CCDC93: variants seen among roughly 807,000 people sequenced by gnomAD.
CCDC93 encodes CCC complex scaffolding subunit CCDC93, also known as coiled-coil domain-containing protein 93.
In CCDC93, 61 loss-of-function variants were observed where a neutral mutation model predicts 108.2. The ratio of observed to expected loss-of-function variants is 0.56; its 90% confidence interval spans 0.46 to 0.70. The LOEUF is 0.70. CCDC93 is among the 30% of genes least tolerant of loss of function. The probability of loss-of-function intolerance (pLI) is 0.00; values close to 1 mark genes in which losing one functional copy is unlikely to be tolerated. For missense variants in CCDC93, 685 were observed against 764.2 expected, an observed-to-expected ratio of 0.90 and a Z score of 1.22; for synonymous variants, 276 against 260.4, an observed-to-expected ratio of 1.06 and a Z score of -0.58.
intron 10 of CCDC93, 82 bp downstream of exon 10, chr2:117,974,768 A>C (rs1048643061): frequency 2.0e-6 from 2 of 997,486 alleles, no homozygotes; most frequent in Middle Eastern, 3.0e-4. Flanking sequence ...GCTCCGGAGA[A>C]GGTGGGCTCT....
chr2:117,989,357 C>A (rs1573517673), intron 6 of CCDC93, among the ~76,000 whole-genome samples: 1 of 152,216 alleles, frequency 6.6e-6, no homozygotes, highest in East Asian at 1.9e-4. Context: ...CTGGATGTGG[C>A]CCTTGCATGC....
intron 11 of CCDC93, among the ~76,000 whole-genome samples, chr2:117,969,994 T>C (rs771529018): frequency 1.3e-5 from 2 of 152,182 alleles, no homozygotes; most frequent in African/African-American, 4.8e-5. Context: ...ATGATTCCCA[T>C]TGGTATGTGT....
At chr2:117,955,574 T>C (rs1273745225) in intron 12 of CCDC93, among the ~76,000 whole-genome samples, 1 of 152,256 alleles carries the variant, frequency 6.6e-6, no homozygotes, top group Non-Finnish European at 1.5e-5. Flanking sequence ...TTTGCTTAAA[T>C]TTTGGTTCAA....
chr2:117,959,384 T>C lies in CCDC93; in HGVS notation c.889-903A>G, dbSNP rs567232111. Among the ~76,000 whole-genome samples the C allele has an allele frequency of 3.9e-5, 6 of 152,356 alleles. No individual in the cohort carries two copies. In the South Asian group the frequency reaches 1.2e-3, roughly 32 times the overall value. On this transcript the variant is annotated intron_variant, in intron 11 of 23. Transcript: ENST00000376300. Reference sequence around the variant, plus strand: ...CAATAAAACATCTTCTTTCTTATAGTAAGTACCCCAATTCCAAGCTAATCA... The same window carrying C: ...CAATAAAACATCTTCTTTCTTATAGCAAGTACCCCAATTCCAAGCTAATCA...
chr2:117,999,952 C>T (rs1159353493), intron 4 of CCDC93: 5 of 151,458 alleles, frequency 3.3e-5, no homozygotes, highest in Non-Finnish European at 7.4e-5. Flanking sequence ...ATATGGAGGG[C>T]CGGCTGTTTG....
At chr2:117,926,233 T>A (rs929641254) in intron 23 of CCDC93, among the ~76,000 whole-genome samples, 1 of 151,948 alleles carries the variant, frequency 6.6e-6, no homozygotes, top group Non-Finnish European at 1.5e-5. Flanking sequence ...GCAAACACAT[T>A]CAAAAGCTAG....
At chr2:117,986,656 TTTA>T (rs1379378824) in intron 6 of CCDC93, among the ~76,000 whole-genome samples, 1 of 152,194 alleles carries the variant, frequency 6.6e-6, no homozygotes, top group Non-Finnish European at 1.5e-5. Context: ...TCTGGTTAAC[TTTA>T]TTATTTTACT....
At chr2:117,986,569 A>G (rs890775612) in intron 6 of CCDC93, among the ~76,000 whole-genome samples, 1 of 152,076 alleles carries the variant, frequency 6.6e-6, no homozygotes, top group Non-Finnish European at 1.5e-5. Context: ...CCTGGATATC[A>G]CCACAAAAAG....
At chr2:117,951,759 G>C in intron 13 of CCDC93, 3 of 913,536 alleles carry the variant, frequency 3.3e-6, no homozygotes, top group Non-Finnish European at 4.0e-6. Flanking sequence ...GGTGGCAGCA[G>C]AGGTGTCTGT....
At chr2:117,950,023 A>C in intron 13 of CCDC93, 2 of 985,434 alleles carry the variant, frequency 2.0e-6, no homozygotes, top group Non-Finnish European at 2.4e-6. Flanking sequence ...TCTCAGAGGC[A>C]GGGCGGGGTC....
chr2:117,964,026 C>T (rs1278382278), intron 11 of CCDC93, among the ~76,000 whole-genome samples: 3 of 152,102 alleles, frequency 2.0e-5, no homozygotes, highest in Non-Finnish European at 4.4e-5. Context: ...ACGTAAGAGT[C>T]GATCCGAATT....
chr2:117,930,791 TA>T, intron 23 of CCDC93: 1 of 357,166 alleles, frequency 2.8e-6, no homozygotes, highest in Non-Finnish European at 5.1e-6. Context: ...ATGTGCTTAC[TA>T]AGTGTTAGGA....
At chr2:117,973,302 A>C (rs146842636) in intron 11 of CCDC93, among the ~76,000 whole-genome samples, 1 of 152,060 alleles carries the variant, frequency 6.6e-6, no homozygotes, top group Non-Finnish European at 1.5e-5. Flanking sequence ...ATGTCCTGTA[A>C]ATCTGATTTT....
At chr2:117,975,891 C>A (rs1406272833) in intron 8 of CCDC93, among the ~76,000 whole-genome samples, 1 of 152,200 alleles carries the variant, frequency 6.6e-6, no homozygotes, top group Non-Finnish European at 1.5e-5. Flanking sequence ...AAGCAGCATG[C>A]TCTGGACTCA....
intron 17 of CCDC93, chr2:117,944,831 AC>A (rs1352913972): frequency 2.1e-6 from 1 of 470,538 alleles, no homozygotes; most frequent in Non-Finnish European, 4.4e-6. Context: ...GGGAAGAGGA[AC>A]CCTTAAAGAA....
rs1421665705 is a variant in CCDC93, at chr2:117,917,561, T to G, written c.*2782A>C. The G allele has an allele frequency of 1.3e-5, 2 of 152,368 alleles. No homozygotes were observed. The highest frequency in any genetic ancestry group is 2.4e-5 in the African/African-American group (1 of 41,438). 9.4% of individuals were successfully genotyped at this position (152,368 alleles called of 1,614,324 possible). ...CATGAACTTCGGACTCTAACAGAGA[T>G]ATGCTTGACAAACTGGGAATTTGCC... is the stretch of plus-strand genomic sequence containing the variant. On this transcript the variant is annotated 3_prime_UTR_variant, in exon 24 of 24. Coordinates refer to ENST00000376300, the MANE Select transcript of CCDC93 (RefSeq NM_019044.5).
chr2:117,999,149 C>T (rs12329324), intron 4 of CCDC93: 30,081 of 152,124 alleles, frequency 0.2, 3,149 homozygotes, highest in Middle Eastern at 0.3. Flanking sequence ...AAGTTATTTA[C>T]CCAAGGTCAC....
intron 13 of CCDC93, chr2:117,950,434 C>T: frequency 1.0e-6 from 1 of 985,394 alleles, no homozygotes; most frequent in Non-Finnish European, 1.2e-6. Flanking sequence ...AATCTCCTGG[C>T]CTTTCTGAAG....
chr2:117,951,091 T>C, intron 13 of CCDC93: 1 of 974,610 alleles, frequency 1.0e-6, no homozygotes, highest in South Asian at 4.7e-5. Context: ...ACTTAGTTTA[T>C]ATCCTAAGGC....
Sources: allele counts gnomAD v4.1 joint callset (sites outside exome capture counted in the v4.1 genomes callset), GRCh38; gene constraint gnomAD v4.1.1; transcripts MANE v1.5; gene names NCBI Gene and HGNC (gene_info 2026-07-23, HGNC 2026-07-21).